MRPS9: variants seen among roughly 807,000 people sequenced by gnomAD.
The protein encoded by MRPS9 is mitochondrial ribosomal protein S9.
In MRPS9, 45 loss-of-function variants were observed where a neutral mutation model predicts 59.9. That is an observed-to-expected ratio of 0.75 (90% CI 0.59 to 0.96). MRPS9 has a LOEUF of 0.96. Ranked by LOEUF, MRPS9 falls within the 40% of genes least tolerant of loss-of-function variation. MRPS9 has a pLI of 0.00. For synonymous variants in MRPS9, 171 were observed against 166.8 expected (o/e 1.03, Z -0.19); for missense variants, 473 against 481.1 (o/e 0.98, Z 0.16).
chr2:105,050,287 G>T (rs1362056904), intron 2 of MRPS9, among the ~76,000 whole-genome samples: 1 of 152,052 alleles, frequency 6.6e-6, no homozygotes, highest in Non-Finnish European at 1.5e-5. Flanking sequence ...TTACAGGCAC[G>T]CACCACCATA....
chr2:105,063,563 T>A (rs543753829), intron 2 of MRPS9, among the ~76,000 whole-genome samples: 9 of 152,362 alleles, frequency 5.9e-5, no homozygotes, highest in Admixed American at 2.6e-4. Flanking sequence ...AACTGTATGT[T>A]TTTTGGCTGC....
At chr2:105,091,890 G>A (rs1231365112) in intron 7 of MRPS9, among the ~76,000 whole-genome samples, 2 of 152,136 alleles carry the variant, frequency 1.3e-5, no homozygotes, top group African/African-American at 2.4e-5. Context: ...TGATTGTTCG[G>A]TTTTAAAGGA....
chr2:105,096,392 T>C (rs1680659954), intron 9 of MRPS9, among the ~76,000 whole-genome samples: 1 of 152,100 alleles, frequency 6.6e-6, no homozygotes. Context: ...TTGACAGAGG[T>C]AATGGTGAAC....
intron 9 of MRPS9, among the ~76,000 whole-genome samples, chr2:105,096,579 C>T (rs1680664365): frequency 6.6e-6 from 1 of 152,090 alleles, no homozygotes; most frequent in Non-Finnish European, 1.5e-5. Flanking sequence ...AGGAAGGTAG[C>T]AGGACCCTAT....
At chr2:105,051,634 C>G (rs1309005672) in intron 2 of MRPS9, among the ~76,000 whole-genome samples, 1 of 152,122 alleles carries the variant, frequency 6.6e-6, no homozygotes, top group Non-Finnish European at 1.5e-5. Context: ...TGAGAGTATT[C>G]CCATCTTAAT....
At chr2:105,083,372 C>T (rs1274324799) in intron 5 of MRPS9, among the ~76,000 whole-genome samples, 1 of 152,142 alleles carries the variant, frequency 6.6e-6, no homozygotes, top group African/African-American at 2.4e-5. Flanking sequence ...TACCTCCTTT[C>T]CTGCAGCAGC....
At chr2:105,092,149 AC>A in intron 7 of MRPS9, 1 of 388,972 alleles carries the variant, frequency 2.6e-6, no homozygotes. Context: ...TAAACATAAT[AC>A]AGAGAAATTG....
At chr2:105,083,087 A>G (rs2104462568) in intron 5 of MRPS9, among the ~76,000 whole-genome samples, 1 of 152,310 alleles carries the variant, frequency 6.6e-6, no homozygotes, top group South Asian at 2.1e-4. Flanking sequence ...ATAGCCATTT[A>G]ACCAGTATAA....
chr2:105,052,862 A>G (rs1274360212), intron 2 of MRPS9, among the ~76,000 whole-genome samples: 2 of 152,120 alleles, frequency 1.3e-5, no homozygotes, highest in Admixed American at 6.5e-5. Context: ...GGAGGATTTC[A>G]TTACCCAATT....
At chr2:105,075,999 TA>T (rs953788693) in intron 4 of MRPS9, among the ~76,000 whole-genome samples, 18 of 148,266 alleles carry the variant, frequency 1.2e-4, no homozygotes, top group African/African-American at 1.7e-4. Context: ...CTAGCATGGT[TA>T]AAAAAAAAAG....
chr2:105,080,920 A>C (rs997642707), intron 5 of MRPS9, among the ~76,000 whole-genome samples: 4 of 151,452 alleles, frequency 2.6e-5, no homozygotes, highest in South Asian at 2.1e-4. Context: ...GGAAAAAAAA[A>C]AACAACCTTC....
At position 105,089,928 on chromosome 2, in the gene MRPS9, T is replaced by C. The variant is rs1680524348; in HGVS notation, c.584T>C (p.Ile195Thr). Residue 195 changes from isoleucine to threonine, a missense_variant, in exon 7 of 11, where the codon ATT (isoleucine) becomes ACT (threonine). Transcript: ENST00000258455. The stretch of plus-strand genomic sequence containing the variant: ...ATGTGATATTTTAACAGAGACGTGA[T>C]TGGCAGCAGATGGCTGATTAAGGAG... ...LPEKTVTRDVIGSRWLIKEEL... is the reference protein window; with the variant it reads ...LPEKTVTRDVTGSRWLIKEEL... The C allele has an allele frequency of 1.9e-6, 3 of 1,608,202 alleles. No individual in the cohort carries two copies. In the East Asian group the frequency reaches 6.7e-5, roughly 36 times the overall value.
At chr2:105,059,419 A>C (rs1016207462) in intron 2 of MRPS9, among the ~76,000 whole-genome samples, 1 of 152,182 alleles carries the variant, frequency 6.6e-6, no homozygotes, top group Non-Finnish European at 1.5e-5. Context: ...GGCACCACCA[A>C]AATCTGGTTC....
chr2:105,043,213 C>T (rs934932677), intron 1 of MRPS9, among the ~76,000 whole-genome samples: 10 of 152,016 alleles, frequency 6.6e-5, no homozygotes, highest in South Asian at 2.1e-4. Flanking sequence ...AGGGTTTATG[C>T]GTTTTATTTG....
intron 5 of MRPS9, among the ~76,000 whole-genome samples, chr2:105,083,182 G>A (rs1272549599): frequency 6.6e-6 from 1 of 152,202 alleles, no homozygotes; most frequent in African/African-American, 2.4e-5. Flanking sequence ...ATTGAGCAAA[G>A]GTGTGAAGGA....
At chr2:105,059,686 G>A (rs1467284983) in intron 2 of MRPS9, among the ~76,000 whole-genome samples, 1 of 151,666 alleles carries the variant, frequency 6.6e-6, no homozygotes, top group Non-Finnish European at 1.5e-5. Context: ...TGAAATTTCT[G>A]TTAATTCTGT....
intron 2 of MRPS9, among the ~76,000 whole-genome samples, chr2:105,061,001 C>G (rs1390614716): frequency 6.9e-6 from 1 of 145,244 alleles, no homozygotes; most frequent in Non-Finnish European, 1.5e-5. Context: ...GTCCCAGCTA[C>G]TCAGGACTTG....
intron 2 of MRPS9, among the ~76,000 whole-genome samples, chr2:105,059,243 A>G (rs1679851622): frequency 6.6e-6 from 1 of 152,192 alleles, no homozygotes; most frequent in African/African-American, 2.4e-5. Context: ...TTTTGGGAAA[A>G]TGCCTTTTGT....
intron 5 of MRPS9, 52 bp from the exon 6 acceptor site, chr2:105,088,932 A>G: frequency 2.4e-6 from 3 of 1,249,022 alleles, no homozygotes; most frequent in South Asian, 1.5e-5. Context: ...AGAAGTTATA[A>G]TGTACCATTG....
Sources: gnomAD v4.1 joint callset for allele counts (sites outside exome capture counted in the v4.1 genomes callset) on GRCh38, gnomAD v4.1.1 for gene constraint, MANE v1.5 for transcripts, NCBI Gene and HGNC (gene_info 2026-07-23, HGNC 2026-07-21) for gene names.